The following ADAMTSL1 variants were observed in gnomAD, a reference collection of about 807,000 sequenced individuals.
ADAMTSL1 encodes the protein ADAMTS-like protein 1.
In ADAMTSL1, 126 loss-of-function variants were observed where a neutral mutation model predicts 201.8. That is an observed-to-expected ratio of 0.62 (90% confidence interval 0.54 to 0.72). The LOEUF (loss-of-function observed/expected upper bound fraction) is 0.72. ADAMTSL1 is among the 30% of genes least tolerant of loss of function. The pLI, the probability that ADAMTSL1 is intolerant of heterozygous loss-of-function variation, is 0.00. For synonymous variants in ADAMTSL1, 1,121 were observed against 903.4 expected (o/e 1.24, Z -4.32); for missense variants, 2,679 against 2,277.8 (o/e 1.18, Z -3.59).
At chr9:17,922,741 T>A (rs932187406) in intron 1 of ADAMTSL1, among the ~76,000 whole-genome samples, 4 of 151,144 alleles carry the variant, frequency 2.6e-5, no homozygotes, top group African/African-American at 9.7e-5. Context: ...TTTTTTCCCA[T>A]CAGAGCATAC....
intron 9 of ADAMTSL1, among the ~76,000 whole-genome samples, chr9:18,675,627 G>A (rs879740222): frequency 6.6e-6 from 1 of 152,122 alleles, no homozygotes; most frequent in Non-Finnish European, 1.5e-5. Context: ...GGTATTTCCT[G>A]CTTGGATCAG....
At chr9:18,013,063 A>G (rs1332606862) in intron 1 of ADAMTSL1, among the ~76,000 whole-genome samples, 1 of 151,684 alleles carries the variant, frequency 6.6e-6, no homozygotes, top group African/African-American at 2.4e-5. Context: ...CTTAGATTTT[A>G]AGTATCATAA....
At chr9:18,336,715 T>G (rs1420887265) in intron 2 of ADAMTSL1, among the ~76,000 whole-genome samples, 1 of 152,158 alleles carries the variant, frequency 6.6e-6, no homozygotes, top group Non-Finnish European at 1.5e-5. Flanking sequence ...AGTTCTAGCA[T>G]TACTAGTATT....
intron 1 of ADAMTSL1, among the ~76,000 whole-genome samples, chr9:18,158,578 G>A (rs897523239): frequency 1.3e-5 from 2 of 152,034 alleles, no homozygotes; most frequent in African/African-American, 4.8e-5. Flanking sequence ...TATCACAAGT[G>A]AAATTTACTG....
At chr9:18,595,028 C>T (rs552277776) in intron 4 of ADAMTSL1, among the ~76,000 whole-genome samples, 1 of 152,272 alleles carries the variant, frequency 6.6e-6, no homozygotes, top group South Asian at 2.1e-4. Context: ...TGTCTCAGCA[C>T]TAGAGGATGT....
intron 1 of ADAMTSL1, among the ~76,000 whole-genome samples, chr9:18,124,084 T>G (rs1825625831): frequency 1.4e-5 from 2 of 143,402 alleles, no homozygotes; most frequent in Admixed American, 7.0e-5. Context: ...CCAGTTTTTT[T>G]TTTTTTTTTT....
intron 1 of ADAMTSL1, among the ~76,000 whole-genome samples, chr9:18,106,960 T>G (rs946624536): frequency 6.6e-6 from 1 of 152,332 alleles, no homozygotes; most frequent in South Asian, 2.1e-4. Flanking sequence ...ACATTGAAAC[T>G]TACTTTATTG....
At chr9:18,005,836 C>T (rs928071312) in intron 1 of ADAMTSL1, among the ~76,000 whole-genome samples, 1 of 152,024 alleles carries the variant, frequency 6.6e-6, no homozygotes, top group African/African-American at 2.4e-5. Context: ...TTCTCTGCCT[C>T]TCTTCACTGC....
intron 4 of ADAMTSL1, among the ~76,000 whole-genome samples, chr9:18,618,256 T>C (rs550686511): frequency 6.6e-6 from 1 of 152,324 alleles, no homozygotes; most frequent in East Asian, 1.9e-4. Context: ...CCTACACACA[T>C]GCATGCACAC....
chr9:18,094,164 C>T (rs1196037252), intron 1 of ADAMTSL1, among the ~76,000 whole-genome samples: 2 of 152,190 alleles, frequency 1.3e-5, no homozygotes, highest in Admixed American at 6.5e-5. Flanking sequence ...TTAAATGCCA[C>T]TCACCATGAT....
At chr9:18,624,372 A>T (rs1826228962) in intron 5 of ADAMTSL1, among the ~76,000 whole-genome samples, 1 of 152,210 alleles carries the variant, frequency 6.6e-6, no homozygotes, top group African/African-American at 2.4e-5. Flanking sequence ...TCTCTTGTAA[A>T]TCATGGTTGG....
At chr9:18,446,558 G>A (rs981446491) in intron 2 of ADAMTSL1, among the ~76,000 whole-genome samples, 2 of 152,218 alleles carry the variant, frequency 1.3e-5, no homozygotes, top group African/African-American at 4.8e-5. Flanking sequence ...ATTGTAATGT[G>A]AACGTGCAGA....
chr9:18,903,470 T>C (rs1830121271), intron 26 of ADAMTSL1, among the ~76,000 whole-genome samples: 1 of 152,134 alleles, frequency 6.6e-6, no homozygotes, highest in Middle Eastern at 3.4e-3. Context: ...GACTAGAGAG[T>C]AGACACAAAG....
At chr9:18,167,373 G>C (rs1827680701) in intron 2 of ADAMTSL1, among the ~76,000 whole-genome samples, 1 of 151,918 alleles carries the variant, frequency 6.6e-6, no homozygotes, top group Admixed American at 6.6e-5. Context: ...TTGAGGGGTT[G>C]AGTGTTCCTT....
intron 2 of ADAMTSL1, among the ~76,000 whole-genome samples, chr9:18,379,404 T>C (rs551601589): frequency 2.4e-4 from 36 of 152,344 alleles, no homozygotes; most frequent in Admixed American, 7.8e-4. Context: ...AGCTTTTTTT[T>C]CCCCTATTGT....
chr9:18,840,063 T>G lies in ADAMTSL1; in HGVS notation c.4249+10086T>G, dbSNP rs202185536. ...AATTAGATCCCATTTGTCAATTTTG[T>G]CTTTTGTTGCCATTGCTTTTGGTGT... On this transcript the variant is annotated intron_variant, in intron 23 of 28. Coordinates refer to ENST00000380548, the MANE Select transcript of ADAMTSL1 (RefSeq NM_001040272.6). Among the ~76,000 whole-genome samples, 1,136 of 146,778 alleles carry G rather than the reference T, an allele frequency of 7.7e-3. 7 individuals are homozygous for G. Among genetic ancestry groups the G allele is most frequent in the Non-Finnish European group, 0.012 (825 of 66,438 alleles).
intron 2 of ADAMTSL1, among the ~76,000 whole-genome samples, chr9:18,522,580 T>TCCC (rs1278452314): frequency 7.1e-6 from 1 of 141,602 alleles, no homozygotes; most frequent in African/African-American, 2.8e-5. Flanking sequence ...CCTAATGCTA[T>TCCC]CCCGCCCCCC....
rs865944840 is a variant in ADAMTSL1 at position 18,508,319 on chromosome 9, A to G, written c.191+3363A>G. On this transcript the variant is annotated intron_variant, in intron 2 of 28. Coordinates refer to ENST00000380548, the MANE Select transcript of ADAMTSL1 (RefSeq NM_001040272.6). ...GTATCACTTCACAAGTTTTATTAATATGATTTTAGCCCTGTATTTTCTCCT... is the reference window on the plus strand; with the variant it reads ...GTATCACTTCACAAGTTTTATTAATGTGATTTTAGCCCTGTATTTTCTCCT... 4.6e-5 allele frequency among the ~76,000 whole-genome samples: 7 copies of G among 152,230 alleles called. 1 individual carries two copies. In the Middle Eastern group the frequency reaches 0.01, roughly 222 times the overall value.
chr9:18,719,225 C>G (rs529338575), intron 14 of ADAMTSL1, among the ~76,000 whole-genome samples: 72 of 152,222 alleles, frequency 4.7e-4, no homozygotes, highest in Non-Finnish European at 6.6e-4. Flanking sequence ...ATGCTCCACC[C>G]TGAACTGGCC....
Sources: allele counts gnomAD v4.1 joint callset (sites outside exome capture counted in the v4.1 genomes callset), GRCh38; gene constraint gnomAD v4.1.1; transcripts MANE v1.5; gene names NCBI Gene and HGNC (gene_info 2026-07-23, HGNC 2026-07-21).